ZSWIM6: variants seen among roughly 807,000 people sequenced by gnomAD.
ZSWIM6 encodes zinc finger SWIM-type containing 6, also known as zinc finger SWIM domain-containing protein 6.
Under a neutral mutation model 113.2 loss-of-function variants are expected in ZSWIM6, and 9 were observed. The observed-to-expected ratio is 0.08, with a 90% CI of 0.05 to 0.14. The LOEUF is 0.14. Among genes scored for constraint, ZSWIM6 ranks in the 10% least tolerant of loss-of-function variants. The probability of loss-of-function intolerance (pLI) is 1.00; values close to 1 mark genes in which losing one functional copy is unlikely to be tolerated. For synonymous variants in ZSWIM6, 611 were observed against 606.5 expected, an observed-to-expected ratio of 1.01 and a Z score of -0.11; for missense variants, 1,162 against 1,552.2, an observed-to-expected ratio of 0.75 and a Z score of 4.22.
chr5:61,532,502 CTG>C (rs1749464619), intron 9 of ZSWIM6, among the ~76,000 whole-genome samples: 1 of 152,100 alleles, frequency 6.6e-6, no homozygotes. Context: ...ATGGGATTCT[CTG>C]TGATTGATAG....
At chr5:61,355,918 C>T (rs144236530) in intron 1 of ZSWIM6, among the ~76,000 whole-genome samples, 14 of 152,132 alleles carry the variant, frequency 9.2e-5, no homozygotes, top group Non-Finnish European at 1.6e-4. Flanking sequence ...TACATAGTGG[C>T]TTCATTATTT....
intron 1 of ZSWIM6, among the ~76,000 whole-genome samples, chr5:61,334,579 T>G (rs1744349962): frequency 6.6e-6 from 1 of 152,232 alleles, no homozygotes. Flanking sequence ...CCTGTCTGGT[T>G]AATTTGAATT....
In ZSWIM6 at chr5:61,531,904, T is replaced by C. The variant is rs76451528; in HGVS notation, c.2245+179T>C. Among the ~76,000 whole-genome samples the C allele has an allele frequency of 6.7e-3, 1,019 of 152,302 alleles. 4 individuals are homozygous for C. Among genetic ancestry groups the C allele is most frequent in the South Asian group, 0.021 (101 of 4,824 alleles). On this transcript the variant is annotated intron_variant, in intron 9 of 13. Coordinates refer to ENST00000252744, the MANE Select transcript of ZSWIM6 (RefSeq NM_020928.2). ...AATAGTGTCACTGAATAAAAAAGCA[T>C]GGATGTTTAGATTTGTATCATTTGA...
intron 5 of ZSWIM6, among the ~76,000 whole-genome samples, chr5:61,523,903 G>A (rs1216082804): frequency 6.6e-6 from 1 of 152,180 alleles, no homozygotes; most frequent in East Asian, 1.9e-4. Context: ...ATATAAACAT[G>A]TGAAAGGTTC....
intron 1 of ZSWIM6, among the ~76,000 whole-genome samples, chr5:61,364,017 C>CT (rs1241436661): frequency 9.4e-6 from 1 of 106,694 alleles, no homozygotes; most frequent in African/African-American, 3.5e-5. Flanking sequence ...CTTTTCTTTT[C>CT]TTCCTTTCTT....
At chr5:61,481,699 T>A (rs1241903920) in intron 2 of ZSWIM6, among the ~76,000 whole-genome samples, 1 of 151,932 alleles carries the variant, frequency 6.6e-6, no homozygotes, top group Non-Finnish European at 1.5e-5. Flanking sequence ...GCCAAAGACT[T>A]AGATAGTGGT....
intron 1 of ZSWIM6, among the ~76,000 whole-genome samples, chr5:61,436,331 T>C (rs1329213418): frequency 6.6e-6 from 1 of 152,200 alleles, no homozygotes; most frequent in East Asian, 1.9e-4. Flanking sequence ...ATTTTACATA[T>C]TGAAAGTATT....
chr5:61,507,365 G>C (rs1748653183), intron 4 of ZSWIM6, among the ~76,000 whole-genome samples: 1 of 152,116 alleles, frequency 6.6e-6, no homozygotes, highest in Admixed American at 6.6e-5. Flanking sequence ...ATTGGTGTTG[G>C]GGGGTAGCAG....
At chr5:61,427,412 A>G (rs1244297459) in intron 1 of ZSWIM6, among the ~76,000 whole-genome samples, 4 of 152,344 alleles carry the variant, frequency 2.6e-5, no homozygotes, top group South Asian at 4.1e-4. Context: ...CATGAATTCA[A>G]TGTAGTACTC....
At chr5:61,332,981 C>T (rs1266939631) in intron 1 of ZSWIM6, 33 bp downstream of exon 1, 12 of 1,168,100 alleles carry the variant, frequency 1.0e-5, no homozygotes, top group Non-Finnish European at 1.3e-5. Context: ...GCCGTCTGTC[C>T]GTCCGTCAGT....
chr5:61,502,502 C>T (rs779125258), intron 4 of ZSWIM6, among the ~76,000 whole-genome samples: 1 of 152,164 alleles, frequency 6.6e-6, no homozygotes, highest in Non-Finnish European at 1.5e-5. Flanking sequence ...TACCACATTA[C>T]TACTAGGGTT....
At chr5:61,526,102 G>A in intron 6 of ZSWIM6, 126 bp downstream of exon 6, 1 of 1,409,812 alleles carries the variant, frequency 7.1e-7, no homozygotes, top group Non-Finnish European at 9.5e-7. Context: ...TTGGCAATAG[G>A]AGCTGAGATT....
intron 1 of ZSWIM6, among the ~76,000 whole-genome samples, chr5:61,397,719 A>C (rs925760126): frequency 6.6e-6 from 1 of 152,196 alleles, no homozygotes; most frequent in Non-Finnish European, 1.5e-5. Context: ...TTTTGAATTA[A>C]ATCTTTTGTT....
intron 4 of ZSWIM6, among the ~76,000 whole-genome samples, chr5:61,499,965 C>A (rs6873712): frequency 0.38 from 58,205 of 151,806 alleles, 11,300 homozygotes; most frequent in South Asian, 0.45. Context: ...TATTTGCCCT[C>A]ATTTTACAGC....
chr5:61,439,274 T>C (rs1319487765), intron 1 of ZSWIM6, among the ~76,000 whole-genome samples: 1 of 152,180 alleles, frequency 6.6e-6, no homozygotes, highest in Non-Finnish European at 1.5e-5. Context: ...ATCCCATCTA[T>C]CCAGGCAATA....
chr5:61,458,810 G>A (rs1488991085), intron 1 of ZSWIM6, among the ~76,000 whole-genome samples: 3 of 151,572 alleles, frequency 2.0e-5, no homozygotes, highest in South Asian at 2.1e-4. Flanking sequence ...CCCATGAGGC[G>A]GGGGCTACAG....
Position 61,332,547 on chromosome 5 carries a change from A to G in ZSWIM6, c.275A>G (p.Gln92Arg). The change falls in exon 1 of 14, where the codon CAG (glutamine) becomes CGG (arginine). Residue 92 changes from glutamine (Q) to arginine (R), a missense_variant. Coordinates refer to ENST00000252744, the MANE Select transcript of ZSWIM6 (RefSeq NM_020928.2). ...AGGGTGGCGGAGAAGTGGCCGTTCC[A>G]GCGCGTGGAGGAGCGCTTTGAGCGC... ...ARRVAEKWPF[Q>R]RVEERFERIP... The G allele has an allele frequency of 1.5e-6, 2 of 1,351,544 alleles. No individual in the cohort carries two copies. The highest frequency in any genetic ancestry group is 2.0e-6 in the Non-Finnish European group (2 of 1,024,202). 83.7% of individuals were successfully genotyped at this position (1,351,544 alleles called of 1,614,324 possible). A position where few individuals can be genotyped will look rare whatever the true frequency, so the allele number is the denominator to read the frequency against.
chr5:61,503,354 C>T (rs1384347705), intron 4 of ZSWIM6, among the ~76,000 whole-genome samples: 1 of 152,092 alleles, frequency 6.6e-6, no homozygotes, highest in African/African-American at 2.4e-5. Flanking sequence ...GCAAAGATAA[C>T]CTTTGAAATA....
Position 61,332,475 on chromosome 5 carries a change from C to T in ZSWIM6, c.203C>T (p.Pro68Leu), listed in dbSNP as rs1487785472. 2 of 1,146,576 alleles carry T rather than the reference C, an allele frequency of 1.7e-6. No homozygotes were observed. The highest frequency in any genetic ancestry group is 2.2e-6 in the Non-Finnish European group (2 of 914,424). 71.0% of individuals were successfully genotyped at this position (1,146,576 alleles called of 1,614,324 possible). ...GGGAALGLLPPGKTQSPESLL... is the reference protein window; with the variant it reads ...GGGAALGLLPLGKTQSPESLL... ...GGCGCGGCGCTGGGGTTGCTGCCGC[C>T]GGGCAAGACCCAGAGCCCCGAGTCG... is the stretch of plus-strand genomic sequence containing the variant. Residue 68 changes from proline to leucine, a missense_variant, in exon 1 of 14, where the codon CCG becomes CTG. Around this residue, in one of 4 missense-constraint regions of ZSWIM6, gnomAD observed 333 missense variants for 293.4 expected, o/e 1.13. Coordinates refer to ENST00000252744, the MANE Select transcript of ZSWIM6 (RefSeq NM_020928.2).
Sources: allele counts gnomAD v4.1 joint callset (sites outside exome capture counted in the v4.1 genomes callset), GRCh38; gene constraint gnomAD v4.1.1; regional missense constraint gnomAD v4.1.1; transcripts MANE v1.5; gene names NCBI Gene and HGNC (gene_info 2026-07-23, HGNC 2026-07-21).